The following ZW10 variants were observed in gnomAD, a reference collection of about 807,000 sequenced individuals.
ZW10 encodes the protein zw10 kinetochore protein.
In ZW10, 53 loss-of-function variants were observed where a neutral mutation model predicts 87.8. The observed-to-expected ratio is 0.60, with a 90% CI of 0.48 to 0.76. The LOEUF (loss-of-function observed/expected upper bound fraction) is 0.76, where lower values mean the gene tolerates loss of function less well. Ranked by LOEUF, ZW10 falls within the 30% of genes least tolerant of loss-of-function variation. The pLI is 0.00. For synonymous variants in ZW10, 312 were observed against 329.2 expected, an observed-to-expected ratio of 0.95 and a Z score of 0.57; for missense variants, 837 against 923.0, an observed-to-expected ratio of 0.91 and a Z score of 1.21.
At chr11:113,743,011 CTT>C in intron 10 of ZW10, among the ~76,000 whole-genome samples, 1 of 152,254 alleles carries the variant, frequency 6.6e-6, no homozygotes, top group East Asian at 1.9e-4. Context: ...ACTAAAGAAG[CTT>C]TTATAAACCT....
chr11:113,748,479 C>T, intron 7 of ZW10, 59 bp from the exon 8 acceptor site: 2 of 1,411,028 alleles, frequency 1.4e-6, no homozygotes, highest in Non-Finnish European at 1.9e-6. Flanking sequence ...CTGGAATATT[C>T]TTAGGTTTTC....
chr11:113,735,605 G>A (rs1487233009), intron 15 of ZW10, among the ~76,000 whole-genome samples: 1 of 151,830 alleles, frequency 6.6e-6, no homozygotes, highest in Non-Finnish European at 1.5e-5. Flanking sequence ...TGACCTTAAG[G>A]CCTCTACAGA....
rs1233732160 is a variant in ZW10 at position 113,748,349 on chromosome 11, T to C, written c.997A>G (p.Met333Val). The change falls in exon 8 of 16, where the codon ATG (methionine) becomes GTG (valine). Residue 333 changes from methionine (M) to valine (V), a missense_variant. Transcript: ENST00000200135. ...CACTCAGACAAGTCCTCCCAGATCATGTCTCCAAGCATCTCAGCCAATGGG... is the reference window on the plus strand; with the variant it reads ...CACTCAGACAAGTCCTCCCAGATCACGTCTCCAAGCATCTCAGCCAATGGG... ...TVPLAEMLGD[M>V]IWEDLSECLI... 3 of 1,613,898 alleles carry C rather than the reference T, an allele frequency of 1.9e-6. No homozygotes were observed. The highest frequency in any genetic ancestry group is 1.1e-5 in the South Asian group (1 of 91,032).
chr11:113,770,920 G>T (rs1487548485), intron 1 of ZW10, among the ~76,000 whole-genome samples: 1 of 150,558 alleles, frequency 6.6e-6, no homozygotes, highest in East Asian at 1.9e-4. Flanking sequence ...TTGCACACAG[G>T]CTCATTAACG....
At chr11:113,746,156 G>T (rs750425046) in intron 9 of ZW10, among the ~76,000 whole-genome samples, 44 of 152,200 alleles carry the variant, frequency 2.9e-4, no homozygotes, top group Non-Finnish European at 5.1e-4. Context: ...CCACTGCTGA[G>T]ACGTCCTGAC....
In ZW10 at chr11:113,768,843, A is replaced by C. The variant is rs1437273852; in HGVS notation, c.230T>G (p.Ile77Arg). 6.2e-7 allele frequency: 1 copy of C among 1,614,112 alleles called. No homozygotes were observed. The highest frequency in any genetic ancestry group is 1.7e-5 in the Admixed American group (1 of 60,012). Residue 77 changes from isoleucine to arginine, a missense_variant, in exon 2 of 16, where the codon ATA becomes AGA. By Grantham distance (97) the Ile-to-Arg change is moderately conservative (BLOSUM62 -3). Coordinates refer to ENST00000200135, the MANE Select transcript of ZW10 (RefSeq NM_004724.4). The part of the protein sequence containing the change: ...SEDIDLLKSR[I>R]ESEVRRDLHV... ...ACAAATTATCCTTACCTCACTCTCT[A>C]TCCTGGATTTCAGCAGGTCAATGTC...
intron 3 of ZW10, 104 bp downstream of exon 3, chr11:113,760,713 A>G (rs990007176): frequency 1.2e-5 from 15 of 1,287,688 alleles, no homozygotes; most frequent in African/African-American, 9.1e-5. Context: ...AAGAAAGAAA[A>G]AAAAATATGA....
Position 113,757,793 on chromosome 11 carries a change from A to G in ZW10, c.794T>C (p.Val265Ala), listed in dbSNP as rs148077621. The part of the protein sequence containing the change: ...PLASCPSLHA[V>A]IESQPNIVII... ...AACTATGTTAGGCTGGCTTTCTATC[A>G]CAGCATGAAGGGATGGGCAAGATGC... The change falls in exon 7 of 16, where the codon GTG becomes GCG. Residue 265 changes from valine to alanine, a missense_variant. Coordinates refer to ENST00000200135, the MANE Select transcript of ZW10 (RefSeq NM_004724.4). 2 of 1,613,670 alleles carry G rather than the reference A, an allele frequency of 1.2e-6. No homozygotes were observed. Among genetic ancestry groups the G allele is most frequent in the African/African-American group, 2.7e-5 (2 of 74,916 alleles).
intron 7 of ZW10, among the ~76,000 whole-genome samples, chr11:113,753,985 C>T (rs1953758041): frequency 6.6e-6 from 1 of 152,206 alleles, no homozygotes; most frequent in South Asian, 2.1e-4. Flanking sequence ...GCTAAGATAA[C>T]CGACAAAGGT....
Position 113,733,564 on chromosome 11 carries a change from G to T in ZW10, c.*130C>A. On this transcript the variant is annotated 3_prime_UTR_variant, in exon 16 of 16. Transcript: ENST00000200135. ...AGGCCAGGAGGTAAGACGTTCTTCT[G>T]TAAAGTCAAACTTCCAAGATGTACT... is the stretch of plus-strand genomic sequence containing the variant. The T allele has an allele frequency of 7.9e-7, 1 of 1,273,568 alleles. No individual in the cohort carries two copies. The highest frequency in any genetic ancestry group is 1.1e-6 in the Non-Finnish European group (1 of 899,980). 78.9% of individuals were successfully genotyped at this position (1,273,568 alleles called of 1,614,324 possible).
chr11:113,747,744 T>A, intron 8 of ZW10, 31 bp from the exon 9 acceptor site: 1 of 1,531,982 alleles, frequency 6.5e-7, no homozygotes, highest in African/African-American at 1.4e-5. Flanking sequence ...AAGAAAAGAA[T>A]CATTTACATA....
At chr11:113,736,563 T>TA in intron 15 of ZW10, 57 bp downstream of exon 15, 1 of 1,567,332 alleles carries the variant, frequency 6.4e-7, no homozygotes, top group Non-Finnish European at 8.8e-7. Flanking sequence ...TCAAGGGCAC[T>TA]ATTACTCTCT....
rs1022492509 is a variant in ZW10 at position 113,736,483 on chromosome 11, C to T, written c.2219+137G>A. 13 of 789,914 alleles carry T rather than the reference C, an allele frequency of 1.6e-5. No homozygotes were observed. In the African/African-American group the frequency reaches 2.1e-4, roughly 13 times the overall value. The allele number at this position is 789,914 out of a possible 1,614,324, so 48.9% of individuals were successfully genotyped here. A position where few individuals can be genotyped will look rare whatever the true frequency, so the allele number is the denominator to read the frequency against. On this transcript the variant is annotated intron_variant, in intron 15 of 15. Transcript: ENST00000200135. ...TGCATTATGATAGATCATGAAAAGG[C>T]CCCAGCTACTGCTACTCAATATGAA... is the stretch of plus-strand genomic sequence containing the variant.
At chr11:113,756,205 A>G (rs1953783285) in intron 7 of ZW10, among the ~76,000 whole-genome samples, 1 of 152,206 alleles carries the variant, frequency 6.6e-6, no homozygotes, top group Admixed American at 6.5e-5. Flanking sequence ...ATGCACAGAG[A>G]AAAAGCCATG....
chr11:113,750,334 G>C (rs1484349458), intron 7 of ZW10, among the ~76,000 whole-genome samples: 1 of 145,692 alleles, frequency 6.9e-6, no homozygotes, highest in Non-Finnish European at 1.5e-5. Flanking sequence ...ATGAAGTTTT[G>C]CTCTTGTTGC....
chr11:113,766,773 T>C (rs542748379), intron 2 of ZW10, among the ~76,000 whole-genome samples: 7 of 150,362 alleles, frequency 4.7e-5, no homozygotes, highest in African/African-American at 1.7e-4. Flanking sequence ...TCCCAGCACT[T>C]TGGGAGGCAG....
In ZW10 at chr11:113,738,409, CAG is replaced by C; in HGVS notation, c.1754-17_1754-16del. ...GCATTCTGTCCCTATGATGGAAAAA[CAG>C]AATAAAAAATTTTAAAAGCTGCTCA... is the stretch of plus-strand genomic sequence containing the variant. On this transcript the variant is annotated splice_polypyrimidine_tract_variant and intron_variant, in intron 12 of 15. Transcript: ENST00000200135. 1 of 1,603,310 alleles carries C rather than the reference CAG, an allele frequency of 6.2e-7. No homozygotes were observed. The highest frequency in any genetic ancestry group is 8.5e-7 in the Non-Finnish European group (1 of 1,177,088).
chr11:113,739,603 A>G (rs1953592589), intron 11 of ZW10, among the ~76,000 whole-genome samples: 1 of 152,262 alleles, frequency 6.6e-6, no homozygotes, highest in Admixed American at 6.5e-5. Context: ...GTGATTAACA[A>G]TAAAGAAAGA....
chr11:113,763,496 G>A (rs140045520), intron 2 of ZW10, among the ~76,000 whole-genome samples: 11,825 of 152,202 alleles, frequency 0.078, 628 homozygotes, highest in Non-Finnish European at 0.11. Context: ...GTGTAAAAAC[G>A]TTCCTATTTC....
Sources: gnomAD v4.1 joint callset for allele counts (sites outside exome capture counted in the v4.1 genomes callset) on GRCh38, gnomAD v4.1.1 for gene constraint, MANE v1.5 for transcripts, NCBI Gene and HGNC (gene_info 2026-07-23, HGNC 2026-07-21) for gene names.